AFF3: variants seen among roughly 807,000 people sequenced by gnomAD.
The protein encoded by AFF3 is ALF transcription elongation factor 3.
A neutral mutation model predicts 129.7 loss-of-function variants in AFF3; 32 were observed. The ratio of observed to expected loss-of-function variants is 0.25; its 90% CI spans 0.19 to 0.33. The LOEUF is 0.33. Among genes scored for constraint, AFF3 ranks in the 10% least tolerant of loss-of-function variants. The pLI is 1.00. For synonymous variants in AFF3, 644 were observed against 635.4 expected, an observed-to-expected ratio of 1.01 and a Z score of -0.20; for missense variants, 1,373 against 1,592.0, an observed-to-expected ratio of 0.86 and a Z score of 2.34.
At chr2:100,050,899 AG>A (rs964226248) in intron 4 of AFF3, among the ~76,000 whole-genome samples, 7 of 152,310 alleles carry the variant, frequency 4.6e-5, no homozygotes, top group African/African-American at 1.7e-4. Context: ...ACAGCCAACA[AG>A]GGAACAGTCC....
At chr2:100,059,670 T>C (rs1573295093) in intron 4 of AFF3, among the ~76,000 whole-genome samples, 1 of 152,234 alleles carries the variant, frequency 6.6e-6, no homozygotes, top group Non-Finnish European at 1.5e-5. Flanking sequence ...GAAAATGGTA[T>C]GTCCTCATTT....
intron 7 of AFF3, among the ~76,000 whole-genome samples, chr2:99,959,780 G>A (rs563370956): frequency 1.3e-5 from 2 of 150,114 alleles, no homozygotes; most frequent in African/African-American, 4.9e-5. Flanking sequence ...CTTTCTATCT[G>A]CTTGTAAACA....
At chr2:100,036,204 T>C (rs1285410981) in intron 4 of AFF3, among the ~76,000 whole-genome samples, 2 of 147,068 alleles carry the variant, frequency 1.4e-5, no homozygotes, top group African/African-American at 2.5e-5. Context: ...CCCTCATGAA[T>C]TTCCCCACTA....
At chr2:99,972,835 C>T (rs755236014) in intron 7 of AFF3, among the ~76,000 whole-genome samples, 23 of 152,190 alleles carry the variant, frequency 1.5e-4, no homozygotes, top group Non-Finnish European at 3.1e-4. Context: ...CCTCGCTCAA[C>T]TCCCAGAGAT....
intron 4 of AFF3, among the ~76,000 whole-genome samples, chr2:100,069,799 G>A (rs568833508): frequency 2.0e-5 from 3 of 152,334 alleles, no homozygotes; most frequent in South Asian, 4.2e-4. Context: ...GTTGAATGCA[G>A]TAATAGAAAG....
rs762417564 is a variant in AFF3, at chr2:99,593,797, G to C, written c.1864C>G (p.Pro622Ala). ...CAGGGCCTGGTTTTGGTGGGCTCCG[G>C]GGGGACCACCACGCTCGTCCCCAGC... ...DALGTSVVVP[P>A]EPTKTRPCGN... Residue 622 changes from proline to alanine, a missense_variant, in exon 15 of 25, where the codon CCG becomes GCG. Physicochemically the swap from Pro to Ala is conservative, Grantham distance 27. Transcript: ENST00000672756. 1.9e-6 allele frequency: 3 copies of C among 1,611,454 alleles called. No homozygotes were observed. Among genetic ancestry groups the C allele is most frequent in the African/African-American group, 1.3e-5 (1 of 74,880 alleles).
intron 13 of AFF3, among the ~76,000 whole-genome samples, chr2:99,625,501 A>G (rs1336195123): frequency 1.3e-5 from 2 of 152,178 alleles, no homozygotes; most frequent in Non-Finnish European, 2.9e-5. Context: ...TTGTGTATGG[A>G]TTACTTAAGG....
At chr2:100,041,713 T>C (rs908171351) in intron 4 of AFF3, among the ~76,000 whole-genome samples, 1 of 152,234 alleles carries the variant, frequency 6.6e-6, no homozygotes, top group Admixed American at 6.5e-5. Flanking sequence ...AAACTGCATG[T>C]ATCTTCTCCA....
intron 8 of AFF3, among the ~76,000 whole-genome samples, chr2:99,788,511 A>G (rs750221142): frequency 6.6e-6 from 1 of 152,270 alleles, no homozygotes; most frequent in Non-Finnish European, 1.5e-5. Flanking sequence ...AAGGATGTAA[A>G]GAAACTATTT....
rs187990678 is a variant in AFF3 at position 100,071,798 on chromosome 2, C to T, written c.53+32604G>A. The stretch of plus-strand genomic sequence containing the variant: ...CCTCGGCTGTGGCTTGTTTCTCCTC[C>T]GTGAATCAACTGTCTTTTTCCAACA... On this transcript the variant is annotated intron_variant, in intron 4 of 24. Coordinates refer to ENST00000672756, the MANE Select transcript of AFF3 (RefSeq NM_001386135.1). Among the ~76,000 whole-genome samples, 506 of 152,240 alleles carry T rather than the reference C, an allele frequency of 3.3e-3. 4 individuals are homozygous for T. Among genetic ancestry groups the T allele is most frequent in the African/African-American group, 0.011 (470 of 41,530 alleles).
At chr2:99,676,560 T>C (rs1476011313) in intron 11 of AFF3, among the ~76,000 whole-genome samples, 1 of 152,202 alleles carries the variant, frequency 6.6e-6, no homozygotes, top group East Asian at 1.9e-4. Context: ...GAGCCTCCAA[T>C]CAATGCTCAT....
At chr2:99,836,927 C>G (rs1268457828) in intron 8 of AFF3, among the ~76,000 whole-genome samples, 1 of 152,118 alleles carries the variant, frequency 6.6e-6, no homozygotes, top group Non-Finnish European at 1.5e-5. Flanking sequence ...CTAAGTCAAT[C>G]TGGGCACGAA....
intron 13 of AFF3, among the ~76,000 whole-genome samples, chr2:99,639,270 T>C (rs1014589876): frequency 6.6e-6 from 1 of 152,152 alleles, no homozygotes; most frequent in African/African-American, 2.4e-5. Flanking sequence ...TTGTGGAAAT[T>C]AGTACTAGGG....
intron 11 of AFF3, among the ~76,000 whole-genome samples, chr2:99,678,813 C>G (rs928631615): frequency 2.6e-5 from 4 of 152,216 alleles, no homozygotes; most frequent in African/African-American, 9.6e-5. Context: ...AGTTATTCCC[C>G]AAGCCATCAT....
intron 2 of AFF3, chr2:100,105,839 C>T (rs1174259075): frequency 1.5e-6 from 2 of 1,340,754 alleles, no homozygotes; most frequent in South Asian, 1.2e-5. Flanking sequence ...GAGAGCAGCT[C>T]AGAGCCCTGC....
chr2:99,746,807 C>G (rs1046071254), intron 9 of AFF3, among the ~76,000 whole-genome samples: 1 of 151,938 alleles, frequency 6.6e-6, no homozygotes, highest in African/African-American at 2.4e-5. Context: ...AACTTTGGCA[C>G]GTGAAAATAC....
In AFF3 at chr2:99,744,150, C is replaced by T. The variant is rs915981257; in HGVS notation, c.1003-10G>A. On this transcript the variant is annotated splice_polypyrimidine_tract_variant and intron_variant, in intron 9 of 24. Transcript: ENST00000672756. Reference sequence around the variant, plus strand: ...ATACAAGCTGAGAGTCCTGAAAGAACAAGAAATATCAATTAATTTTCTTAT... The same window carrying T: ...ATACAAGCTGAGAGTCCTGAAAGAATAAGAAATATCAATTAATTTTCTTAT... 3 of 1,589,194 alleles carry T rather than the reference C, an allele frequency of 1.9e-6. No individual in the cohort carries two copies. The highest frequency in any genetic ancestry group is 2.6e-6 in the Non-Finnish European group (3 of 1,166,558).
At chr2:99,812,527 T>C (rs929904240) in intron 8 of AFF3, among the ~76,000 whole-genome samples, 2 of 152,194 alleles carry the variant, frequency 1.3e-5, no homozygotes, top group African/African-American at 2.4e-5. Flanking sequence ...CTGACAGTCA[T>C]ATTGATGACA....
chr2:99,726,633 ACT>A (rs1649321374), intron 11 of AFF3, among the ~76,000 whole-genome samples: 2 of 152,178 alleles, frequency 1.3e-5, no homozygotes, highest in African/African-American at 2.4e-5. Flanking sequence ...CAAAAAAGAA[ACT>A]CTTGAGATTC....
Sources: allele counts gnomAD v4.1 joint callset (sites outside exome capture counted in the v4.1 genomes callset), GRCh38; gene constraint gnomAD v4.1.1; transcripts MANE v1.5; gene names NCBI Gene and HGNC (gene_info 2026-07-23, HGNC 2026-07-21).